The following RREB1 variants were observed in gnomAD, a reference collection of about 807,000 sequenced individuals.
RREB1 encodes the protein ras-responsive element-binding protein 1.
A neutral mutation model predicts 117.8 loss-of-function variants in RREB1; 27 were observed. The ratio of observed to expected loss-of-function variants is 0.23; its 90% CI spans 0.17 to 0.32. The LOEUF is 0.32. Among genes scored for constraint, RREB1 ranks in the 10% least tolerant of loss-of-function variants. The pLI is 1.00. For missense variants in RREB1, 2,577 were observed against 2,378.2 expected (o/e 1.08, Z -1.74); for synonymous variants, 1,298 against 1,026.7 (o/e 1.26, Z -5.05).
At chr6:7,162,735 C>A (rs899736313) in intron 1 of RREB1, among the ~76,000 whole-genome samples, 1 of 152,166 alleles carries the variant, frequency 6.6e-6, no homozygotes, top group African/African-American at 2.4e-5. Flanking sequence ...ACCCATTTTT[C>A]TCTGCCTACG....
intron 6 of RREB1, among the ~76,000 whole-genome samples, chr6:7,204,428 TAC>T (rs1395981171): frequency 4.6e-5 from 7 of 151,258 alleles, no homozygotes; most frequent in South Asian, 2.1e-4. Flanking sequence ...TAGGAAAACA[TAC>T]ACACATCTTT....
chr6:7,230,160 C>G lies in RREB1; in HGVS notation c.2061C>G (p.Ile687Met), dbSNP rs767301046. Residue 687 changes from isoleucine (I) to methionine (M), a missense_variant, in exon 10 of 13, where the codon ATC becomes ATG. Ile to Met is a conservative substitution (Grantham distance 10). Coordinates refer to ENST00000379938, the MANE Select transcript of RREB1 (RefSeq NM_001003699.4). ...TCGCCGCCGACAAGGCCGCGCTCAT[C>G]CGCCACCTGCGCACGCACAGTGGGG... ...DYIAADKAAL[I>M]RHLRTHSGER... The G allele has an allele frequency of 1.2e-6, 2 of 1,606,624 alleles. No individual in the cohort carries two copies. Among genetic ancestry groups the G allele is most frequent in the Non-Finnish European group, 1.7e-6 (2 of 1,179,530 alleles).
chr6:7,226,453 C>G lies in RREB1; in HGVS notation c.708-14C>G. 1 of 1,598,206 alleles carries G rather than the reference C, an allele frequency of 6.3e-7. No homozygotes were observed. The highest frequency in any genetic ancestry group is 1.1e-5 in the South Asian group (1 of 88,948). ...TCCCTTTCTGCCTCATATGTTCTCC[C>G]TTTCCTCTCCTAGATGTGACATTTG... On this transcript the variant is annotated splice_polypyrimidine_tract_variant and intron_variant, in intron 8 of 12. Transcript: ENST00000379938.
chr6:7,118,731 G>T (rs1470378606), intron 1 of RREB1, among the ~76,000 whole-genome samples: 1 of 150,156 alleles, frequency 6.7e-6, no homozygotes, highest in Non-Finnish European at 1.5e-5. Flanking sequence ...TTCAGTATGA[G>T]ATTTAGCGTC....
intron 1 of RREB1, among the ~76,000 whole-genome samples, chr6:7,149,578 A>G (rs574324095): frequency 9.4e-4 from 143 of 152,360 alleles, no homozygotes; most frequent in Non-Finnish European, 4.1e-4. Context: ...TGTGCCCAGA[A>G]TTGAACAACT....
chr6:7,228,395 C>T (rs1296140013), intron 9 of RREB1, among the ~76,000 whole-genome samples: 1 of 151,816 alleles, frequency 6.6e-6, no homozygotes, highest in East Asian at 1.9e-4. Context: ...TAGTGAGATA[C>T]CCTGTGGGTT....
intron 1 of RREB1, among the ~76,000 whole-genome samples, chr6:7,173,728 C>T (rs935287079): frequency 2.7e-5 from 4 of 150,096 alleles, no homozygotes; most frequent in Non-Finnish European, 5.9e-5. Context: ...GCTTGAGGCA[C>T]AAGAATCGCC....
rs117486154 is a variant in RREB1 at position 7,187,941 on chromosome 6, A to G, written c.261+418A>G. ...GAGGCCAAGATAGGCGGATCACTTG[A>G]GATCAGGATTTGGAGACCAGCCTGG... On this transcript the variant is annotated intron_variant, in intron 5 of 12. Coordinates refer to ENST00000379938, the MANE Select transcript of RREB1 (RefSeq NM_001003699.4). Among the ~76,000 whole-genome samples, 83 of 152,240 alleles carry G rather than the reference A, an allele frequency of 5.5e-4. No homozygotes were observed. The East Asian group carries it at 0.013, about 23-fold the overall frequency.
intron 11 of RREB1, among the ~76,000 whole-genome samples, chr6:7,245,707 A>G (rs1247347055): frequency 6.6e-6 from 1 of 152,152 alleles, no homozygotes; most frequent in Non-Finnish European, 1.5e-5. Flanking sequence ...TTGTCTTCAC[A>G]GGCACCCACA....
At chr6:7,194,821 G>A (rs1765586536) in intron 6 of RREB1, among the ~76,000 whole-genome samples, 1 of 152,194 alleles carries the variant, frequency 6.6e-6, no homozygotes, top group South Asian at 2.1e-4. Context: ...GGGAGTTTCT[G>A]AGTCTGTATT....
At chr6:7,132,808 A>G (rs915090393) in intron 1 of RREB1, among the ~76,000 whole-genome samples, 6 of 129,002 alleles carry the variant, frequency 4.7e-5, no homozygotes, top group South Asian at 4.5e-4. Context: ...CTGGTATACA[A>G]TGTCAACATT....
intron 1 of RREB1, among the ~76,000 whole-genome samples, chr6:7,160,053 G>T (rs1466294558): frequency 6.6e-6 from 1 of 151,572 alleles, no homozygotes; most frequent in Non-Finnish European, 1.5e-5. Flanking sequence ...ACAGACTAAA[G>T]ATACATAAAT....
At position 7,231,752 on chromosome 6, in the gene RREB1, C is replaced by T. The variant is rs573380568; in HGVS notation, c.3653C>T (p.Pro1218Leu). The T allele has an allele frequency of 6.2e-7, 1 of 1,613,820 alleles. No individual in the cohort carries two copies. The highest frequency in any genetic ancestry group is 1.1e-5 in the South Asian group (1 of 91,088). The change falls in exon 10 of 13, where the codon CCC becomes CTC. Residue 1218 changes from proline to leucine, a missense_variant. Coordinates refer to ENST00000379938, the MANE Select transcript of RREB1 (RefSeq NM_001003699.4). ...GGAGCCCCTGCCGACCACCATGGGC[C>T]CAGTGATGAAGAGCAGGGCAGTCCC... ...VAGAPADHHGPSDEEQGSPPE... is the reference protein window; with the variant it reads ...VAGAPADHHGLSDEEQGSPPE...
intron 8 of RREB1, among the ~76,000 whole-genome samples, chr6:7,222,110 C>T (rs1767296142): frequency 6.6e-6 from 1 of 152,174 alleles, no homozygotes; most frequent in Admixed American, 6.5e-5. Flanking sequence ...TTTCTTTTCT[C>T]TGGGAGTTCT....
chr6:7,112,328 C>G (rs1761185356), intron 1 of RREB1, among the ~76,000 whole-genome samples: 3 of 152,118 alleles, frequency 2.0e-5, no homozygotes, highest in Admixed American at 6.6e-5. Flanking sequence ...AATGGTAAGC[C>G]TGTTGTAAGC....
Position 7,240,591 on chromosome 6 carries a change from A to G in RREB1, c.3962A>G (p.His1321Arg). 6.2e-7 allele frequency: 1 copy of G among 1,612,586 alleles called. No homozygotes were observed. The highest frequency in any genetic ancestry group is 8.5e-7 in the Non-Finnish European group (1 of 1,179,190). ...TCAAAAGAGAGTGATGTTGGATCCCATGATAGCACAGGTAGTGCCGCCAGG... is the reference window on the plus strand; with the variant it reads ...TCAAAAGAGAGTGATGTTGGATCCCGTGATAGCACAGGTAGTGCCGCCAGG... ...PQSKESDVGS[H>R]DSTDSQSDAE... The change falls in exon 11 of 13, where the codon CAT becomes CGT. Residue 1321 changes from histidine (H) to arginine (R), a missense_variant. By Grantham distance (29) the His-to-Arg change is conservative. Transcript: ENST00000379938.
At chr6:7,188,833 C>T (rs963900154) in intron 5 of RREB1, among the ~76,000 whole-genome samples, 3 of 152,070 alleles carry the variant, frequency 2.0e-5, no homozygotes, top group Non-Finnish European at 2.9e-5. Context: ...GTTGAGTGTC[C>T]TTCGGCTTGT....
chr6:7,181,129 A>G lies in RREB1; in HGVS notation c.-160A>G. 5.0e-6 allele frequency: 2 copies of G among 398,506 alleles called. No individual in the cohort carries two copies. The highest frequency in any genetic ancestry group is 8.8e-6 in the Non-Finnish European group (2 of 226,006). The allele number at this position is 398,506 out of a possible 1,614,324, so 24.7% of individuals were successfully genotyped here. On this transcript the variant is annotated 5_prime_UTR_variant, in exon 3 of 13. Transcript: ENST00000379938. ...GGCCTTTGCTTCCCTTCCAGTGTCA[A>G]CGAGTACTACCAAGAGAAGAAGACA...
chr6:7,141,715 T>C (rs911577047), intron 1 of RREB1, among the ~76,000 whole-genome samples: 2 of 152,226 alleles, frequency 1.3e-5, no homozygotes, highest in Non-Finnish European at 1.5e-5. Context: ...TAGAAAATGC[T>C]CCTTTAAGCC....
Sources: gnomAD v4.1 joint callset for allele counts (sites outside exome capture counted in the v4.1 genomes callset) on GRCh38, gnomAD v4.1.1 for gene constraint, MANE v1.5 for transcripts, NCBI Gene and HGNC (gene_info 2026-07-23, HGNC 2026-07-21) for gene names.